Variants in KIAA0753 observed in about 807,000 individuals in gnomAD.
KIAA0753 encodes the protein protein moonraker.
In KIAA0753, 114 loss-of-function variants were observed where a neutral mutation model predicts 116.9. The observed-to-expected ratio is 0.98, with a 90% CI of 0.84 to 1.14. The LOEUF (loss-of-function observed/expected upper bound fraction) is 1.14. Among genes scored for constraint, KIAA0753 ranks in the 50% most tolerant of loss-of-function variants. The pLI is 0.00. For missense variants in KIAA0753, 1,156 were observed against 1,172.4 expected (o/e 0.99, Z 0.20); for synonymous variants, 405 against 413.1 (o/e 0.98, Z 0.24).
intron 1 of KIAA0753, chr17:6,637,403 G>C (rs1383645900): frequency 6.6e-6 from 1 of 152,364 alleles, no homozygotes; most frequent in Admixed American, 6.5e-5. Flanking sequence ...TCAGTGGCCA[G>C]TCTCCTTCCC....
chr17:6,603,092 C>T (rs1969979045), intron 12 of KIAA0753, among the ~76,000 whole-genome samples: 1 of 151,770 alleles, frequency 6.6e-6, no homozygotes. Flanking sequence ...ATGACAAACT[C>T]AATAGGTTAA....
intron 18 of KIAA0753, among the ~76,000 whole-genome samples, chr17:6,581,314 T>C (rs1198884022): frequency 6.6e-6 from 1 of 152,126 alleles, no homozygotes; most frequent in Non-Finnish European, 1.5e-5. Flanking sequence ...TTTGGGTTTT[T>C]TCCTTATGAT....
intron 13 of KIAA0753, among the ~76,000 whole-genome samples, chr17:6,599,614 G>A (rs756963829): frequency 2.0e-5 from 3 of 152,034 alleles, no homozygotes; most frequent in Non-Finnish European, 4.4e-5. Context: ...ATAAAATGAG[G>A]AAGTTGAACT....
intron 12 of KIAA0753, among the ~76,000 whole-genome samples, chr17:6,601,716 A>G (rs565782706): frequency 1.3e-4 from 20 of 152,370 alleles, no homozygotes; most frequent in East Asian, 1.2e-3. Flanking sequence ...AAAGGAAAAC[A>G]TAAGAGAAAA....
intron 14 of KIAA0753, among the ~76,000 whole-genome samples, chr17:6,598,872 T>C (rs1342137446): frequency 1.3e-5 from 2 of 152,076 alleles, no homozygotes; most frequent in South Asian, 2.1e-4. Context: ...TAAAGAAAAT[T>C]AGGACAATAA....
Position 6,612,201 on chromosome 17 carries a change from T to C in KIAA0753, c.1316-53A>G, listed in dbSNP as rs1597539302. 8 of 1,320,194 alleles carry C rather than the reference T, an allele frequency of 6.1e-6. No individual in the cohort carries two copies. The Admixed American group carries it at 1.5e-4, about 24-fold the overall frequency. The allele number at this position is 1,320,194 out of a possible 1,614,324, so 81.8% of individuals were successfully genotyped here. Reference sequence around the variant, plus strand: ...TGAGGAAAATGCTATTCAAATCAAATTGCTGAGAATGATTATCTACACACA... The same window carrying C: ...TGAGGAAAATGCTATTCAAATCAAACTGCTGAGAATGATTATCTACACACA... On this transcript the variant is annotated intron_variant, in intron 7 of 18. Coordinates refer to ENST00000361413, the MANE Select transcript of KIAA0753 (RefSeq NM_014804.3).
intron 4 of KIAA0753, chr17:6,623,834 G>A (rs1971486723): frequency 3.1e-6 from 1 of 324,374 alleles, no homozygotes; most frequent in Non-Finnish European, 5.6e-6. Context: ...TGAAGGTGGA[G>A]GTGACTCTGG....
chr17:6,621,097 T>C, intron 6 of KIAA0753, 99 bp from the exon 7 acceptor site: 1 of 1,009,056 alleles, frequency 9.9e-7, no homozygotes, highest in Non-Finnish European at 1.5e-6. Context: ...AATGTGTTAT[T>C]AAATGGCTAT....
At chr17:6,584,647 A>G (rs1477436848) in intron 18 of KIAA0753, among the ~76,000 whole-genome samples, 2 of 152,100 alleles carry the variant, frequency 1.3e-5, no homozygotes, top group Non-Finnish European at 2.9e-5. Context: ...TCTAATCTGG[A>G]TTAGTTCTTT....
chr17:6,618,104 A>G (rs1034029891), intron 7 of KIAA0753, among the ~76,000 whole-genome samples: 1 of 152,062 alleles, frequency 6.6e-6, no homozygotes, highest in African/African-American at 2.4e-5. Context: ...CTCGGTCTCA[A>G]AAAAAGAAAA....
Position 6,579,554 on chromosome 17 carries a change from T to C in KIAA0753, c.*193A>G. ...TAAGTGTGATACATTGCATCATACA[T>C]TTCCAGAACCATTGCCATGACAAAA... On this transcript the variant is annotated 3_prime_UTR_variant, in exon 19 of 19. Coordinates refer to ENST00000361413, the MANE Select transcript of KIAA0753 (RefSeq NM_014804.3). The C allele has an allele frequency of 1.7e-6, 1 of 589,582 alleles. No individual in the cohort carries two copies. The highest frequency in any genetic ancestry group is 3.1e-6 in the Non-Finnish European group (1 of 327,256). 36.5% of individuals were successfully genotyped at this position (589,582 alleles called of 1,614,324 possible). A position where few individuals can be genotyped will look rare whatever the true frequency, so the allele number is the denominator to read the frequency against.
chr17:6,605,735 G>A (rs773845260), intron 12 of KIAA0753, among the ~76,000 whole-genome samples: 21 of 152,164 alleles, frequency 1.4e-4, no homozygotes, highest in Non-Finnish European at 2.6e-4. Context: ...TGCAACTGAG[G>A]AGGGATACAC....
At chr17:6,632,407 A>G (rs965729933) in intron 2 of KIAA0753, among the ~76,000 whole-genome samples, 2 of 152,198 alleles carry the variant, frequency 1.3e-5, no homozygotes, top group African/African-American at 4.8e-5. Context: ...CTAGGAAAAG[A>G]AGGGGTTTCC....
rs746792679 is a variant in KIAA0753 at position 6,579,891 on chromosome 17, G to A, written c.2787-27C>T. The A allele has an allele frequency of 5.7e-6, 9 of 1,567,256 alleles. No individual in the cohort carries two copies. In the African/African-American group the frequency reaches 1.1e-4, roughly 19 times the overall value. On this transcript the variant is annotated intron_variant, in intron 18 of 18. Transcript: ENST00000361413. ...TGGAAGACAAACAACACAACTAAAG[G>A]TATGTACAAGGCCAGGCGCGGTGGC...
At chr17:6,640,290 G>GACTC (rs2150942138) in intron 1 of KIAA0753, 1 of 152,688 alleles carries the variant, frequency 6.5e-6, no homozygotes, top group Non-Finnish European at 1.5e-5. Flanking sequence ...GCCTGGGCAA[G>GACTC]GCCCCACGGC....
At position 6,607,245 on chromosome 17, in the gene KIAA0753, A is replaced by C. The variant is rs1369631087; in HGVS notation, c.1855T>G (p.Ser619Ala). ...TCTTCTAGTTCCTTCAATCTTTTGG[A>C]AGTTTCAGCATCAAGCCAAGCGAGC... Reference protein sequence around the residue: ...ARLAWLDAETSKRLKELEELK... With the variant: ...ARLAWLDAETAKRLKELEELK... Residue 619 changes from serine to alanine, a missense_variant, in exon 11 of 19, where the codon TCC becomes GCC. Transcript: ENST00000361413. 7.4e-6 allele frequency: 12 copies of C among 1,613,976 alleles called. No individual in the cohort carries two copies. In the Admixed American group the frequency reaches 1.8e-4, roughly 25 times the overall value.
At chr17:6,629,120 C>T (rs192841926) in intron 2 of KIAA0753, among the ~76,000 whole-genome samples, 35 of 152,310 alleles carry the variant, frequency 2.3e-4, no homozygotes, top group Non-Finnish European at 4.9e-4. Context: ...TTGAAGCTTT[C>T]TTAAAATTTG....
intron 7 of KIAA0753, among the ~76,000 whole-genome samples, chr17:6,617,027 T>A (rs56688662): frequency 1.6e-4 from 24 of 152,300 alleles, no homozygotes; most frequent in African/African-American, 5.8e-4. Flanking sequence ...TTTTCACTAG[T>A]CAGCTGATGG....
chr17:6,585,494 G>A (rs2070913738), intron 18 of KIAA0753, among the ~76,000 whole-genome samples: 1 of 152,014 alleles, frequency 6.6e-6, no homozygotes, highest in Non-Finnish European at 1.5e-5. Flanking sequence ...CCCACATTCT[G>A]GAACTCCAGT....
Sources: gnomAD v4.1 joint callset for allele counts (sites outside exome capture counted in the v4.1 genomes callset) on GRCh38, gnomAD v4.1.1 for gene constraint, MANE v1.5 for transcripts, NCBI Gene and HGNC (gene_info 2026-07-23, HGNC 2026-07-21) for gene names.